AHI1: variants seen among roughly 807,000 people sequenced by gnomAD.
The protein encoded by AHI1 is Abelson helper integration site 1.
Under a neutral mutation model 149.3 loss-of-function variants are expected in AHI1, and 123 were observed. The observed-to-expected ratio is 0.82, with a 90% CI of 0.71 to 0.96. AHI1 has a LOEUF of 0.96. Ranked by LOEUF, AHI1 falls within the 40% of genes least tolerant of loss-of-function variation. The pLI, the probability that AHI1 is intolerant of heterozygous loss-of-function variation, is 0.00. For synonymous variants in AHI1, 475 were observed against 459.8 expected, an observed-to-expected ratio of 1.03 and a Z score of -0.42; for missense variants, 1,439 against 1,422.7, an observed-to-expected ratio of 1.01 and a Z score of -0.18.
In AHI1 at chr6:135,391,547, G is replaced by T. The variant is rs116149743; in HGVS notation, c.3109+3229C>A. Among the ~76,000 whole-genome samples the T allele has an allele frequency of 3.7e-3, 563 of 152,160 alleles. 2 individuals are homozygous for T. Among genetic ancestry groups the T allele is most frequent in the African/African-American group, 0.013 (543 of 41,508 alleles). On this transcript the variant is annotated intron_variant, in intron 23 of 28. Transcript: ENST00000265602. Reference sequence around the variant, plus strand: ...GTGCACCTAGGCGTGTGGGTCGGGGGTCAGGACCCCTGATCTAGGGAATAA... The same window carrying T: ...GTGCACCTAGGCGTGTGGGTCGGGGTTCAGGACCCCTGATCTAGGGAATAA...
chr6:135,429,654 TA>T (rs2128011887), intron 18 of AHI1, among the ~76,000 whole-genome samples: 1 of 151,696 alleles, frequency 6.6e-6, no homozygotes, highest in African/African-American at 2.4e-5. Context: ...ATAATTGTTT[TA>T]GGGGGACTGT....
intron 23 of AHI1, among the ~76,000 whole-genome samples, chr6:135,366,086 TTTAAG>T (rs1774133819): frequency 6.6e-6 from 1 of 152,364 alleles, no homozygotes; most frequent in Non-Finnish European, 1.5e-5. Context: ...TTTAATTCTG[TTTAAG>T]TTGTGTATCA....
chr6:135,286,863 C>A (rs1781749422), intron 28 of AHI1, among the ~76,000 whole-genome samples: 1 of 151,910 alleles, frequency 6.6e-6, no homozygotes, highest in African/African-American at 2.4e-5. Flanking sequence ...TACGGCATGC[C>A]AAGGTATAAT....
chr6:135,403,805 C>T (rs1289449263), intron 22 of AHI1, among the ~76,000 whole-genome samples: 3 of 152,090 alleles, frequency 2.0e-5, no homozygotes, highest in Admixed American at 2.0e-4. Context: ...CCCCCCTCGT[C>T]TTCCTTCCCC....
chr6:135,294,854 A>C (rs1782885491), intron 27 of AHI1, among the ~76,000 whole-genome samples: 1 of 152,066 alleles, frequency 6.6e-6, no homozygotes. Flanking sequence ...AGAAAACTTT[A>C]GTGGCTTTGG....
At chr6:135,459,268 C>A (rs913886761) in intron 8 of AHI1, among the ~76,000 whole-genome samples, 1 of 151,952 alleles carries the variant, frequency 6.6e-6, no homozygotes, top group Admixed American at 6.6e-5. Flanking sequence ...CAACATACTT[C>A]TAAATAATGA....
At chr6:135,307,941 A>C (rs1258747765) in intron 26 of AHI1, among the ~76,000 whole-genome samples, 1 of 152,166 alleles carries the variant, frequency 6.6e-6, no homozygotes, top group African/African-American at 2.4e-5. Flanking sequence ...CATATTCCCA[A>C]CAACAAAGAA....
At chr6:135,373,447 TA>T (rs1775365199) in intron 23 of AHI1, among the ~76,000 whole-genome samples, 2 of 152,208 alleles carry the variant, frequency 1.3e-5, no homozygotes, top group Non-Finnish European at 2.9e-5. Context: ...ATGCATTTCT[TA>T]AAATGTATCG....
intron 20 of AHI1, among the ~76,000 whole-genome samples, chr6:135,421,947 C>A (rs149513568): frequency 2.1e-3 from 321 of 152,110 alleles, no homozygotes; most frequent in African/African-American, 7.6e-3. Context: ...ATGACATAAT[C>A]TTGTATAAGT....
intron 20 of AHI1, among the ~76,000 whole-genome samples, chr6:135,416,428 G>T (rs987516496): frequency 1.3e-5 from 2 of 151,750 alleles, no homozygotes; most frequent in African/African-American, 4.8e-5. Context: ...CCTGAGGAAT[G>T]TAAGGGTAGT....
chr6:135,479,995 T>C lies in AHI1; in HGVS notation c.135+10628A>G, dbSNP rs141370228. Among the ~76,000 whole-genome samples the C allele has an allele frequency of 2.2e-3, 337 of 152,304 alleles. 2 individuals carry two copies. Among genetic ancestry groups the C allele is most frequent in the African/African-American group, 7.8e-3 (326 of 41,568 alleles). ...GTGCCTGCTTCCCATTCCACCATTA[T>C]TGTAGTGTCTGGAAGCCTCCCCAGC... is the stretch of plus-strand genomic sequence containing the variant. On this transcript the variant is annotated intron_variant, in intron 5 of 28. Transcript: ENST00000265602.
chr6:135,354,852 C>T (rs1335298071), intron 24 of AHI1, among the ~76,000 whole-genome samples: 2 of 152,104 alleles, frequency 1.3e-5, no homozygotes, highest in South Asian at 2.1e-4. Context: ...GAAAGCCACA[C>T]ATTTAACCAT....
At chr6:135,475,440 T>C (rs1323208732) in intron 5 of AHI1, among the ~76,000 whole-genome samples, 4 of 152,232 alleles carry the variant, frequency 2.6e-5, no homozygotes, top group African/African-American at 9.6e-5. Context: ...TCTAAATGCC[T>C]GAAGCCTTGG....
At position 135,453,335 on chromosome 6, in the gene AHI1, A is replaced by T. The variant is rs1473193178; in HGVS notation, c.1440+6T>A. The T allele has an allele frequency of 6.4e-7, 1 of 1,552,222 alleles. No homozygotes were observed. The highest frequency in any genetic ancestry group is 1.9e-5 in the Admixed American group (1 of 51,654). On this transcript the variant is annotated splice_donor_region_variant and intron_variant, in intron 11 of 28. Coordinates refer to ENST00000265602, the MANE Select transcript of AHI1 (RefSeq NM_001134831.2). ...TTAAAGTGTTTAAAATGGATGAAAA[A>T]CATACCTTAAGAAATGCCCAGGCAA...
rs946771140 is a variant in AHI1 at position 135,298,992 on chromosome 6, T to C, written c.3485+1508A>G. Among the ~76,000 whole-genome samples, 7 of 152,182 alleles carry C rather than the reference T, an allele frequency of 4.6e-5. No individual in the cohort carries two copies. The East Asian group carries it at 7.7e-4, about 17-fold the overall frequency. On this transcript the variant is annotated intron_variant, in intron 27 of 28. Transcript: ENST00000265602. The stretch of plus-strand genomic sequence containing the variant: ...ATGTGTTAAACATGGTCATTTTTTT[T>C]TGGTTGTTGAAACAGTCTGTGCTTA...
At position 135,323,294 on chromosome 6, in the gene AHI1, G is replaced by A. The variant is rs780163791; in HGVS notation, c.3196C>T (p.Arg1066Ter). 73 of 1,613,440 alleles carry A rather than the reference G, an allele frequency of 4.5e-5. No homozygotes were observed. Among genetic ancestry groups the A allele is most frequent in the Admixed American group, 3.3e-4 (20 of 59,972 alleles). The change falls in exon 25 of 29, where the codon CGA (arginine) becomes TGA (stop). Residue 1066 changes from arginine to a stop codon, truncating the protein, a stop_gained. Coordinates refer to ENST00000265602, the MANE Select transcript of AHI1 (RefSeq NM_001134831.2). LOFTEE classifies it high-confidence loss of function. ...CGATGGATGGTTAGTTCATCTGATC[G>A]ATTCGCTGTGTAGTCATAAAGAGCC... ...VVALYDYTAN[R>*]SDELTIHRGD...
chr6:135,410,527 A>G (rs1781437889), intron 21 of AHI1, among the ~76,000 whole-genome samples: 2 of 152,208 alleles, frequency 1.3e-5, no homozygotes, highest in Non-Finnish European at 2.9e-5. Context: ...ACTCTAAACC[A>G]TAGTTTTCAC....
At chr6:135,450,585 T>A (rs1787940778) in intron 11 of AHI1, among the ~76,000 whole-genome samples, 1 of 152,182 alleles carries the variant, frequency 6.6e-6, no homozygotes, top group African/African-American at 2.4e-5. Context: ...CACTCGAGAC[T>A]CCCTTGATAA....
chr6:135,300,852 T>TA, intron 26 of AHI1: 1 of 1,087,368 alleles, frequency 9.2e-7, no homozygotes, highest in Non-Finnish European at 1.1e-6. Context: ...TGAATCAGTT[T>TA]AAATTAATCT....
Sources: gnomAD v4.1 joint callset for allele counts (sites outside exome capture counted in the v4.1 genomes callset) on GRCh38, gnomAD v4.1.1 for gene constraint, MANE v1.5 for transcripts, NCBI Gene and HGNC (gene_info 2026-07-23, HGNC 2026-07-21) for gene names.